Variants in HEATR3 observed in about 807,000 individuals in gnomAD.
The protein encoded by HEATR3 is HEAT repeat containing 3.
In HEATR3, 56 loss-of-function variants were observed where a neutral mutation model predicts 72.8. The ratio of observed to expected loss-of-function variants is 0.77; its 90% confidence interval spans 0.62 to 0.96. HEATR3 has a LOEUF of 0.96. Ranked by LOEUF, HEATR3 falls within the 40% of genes least tolerant of loss-of-function variation. The pLI, the probability that HEATR3 is intolerant of heterozygous loss-of-function variation, is 0.00. For synonymous variants in HEATR3, 331 were observed against 318.1 expected, an observed-to-expected ratio of 1.04 and a Z score of -0.43; for missense variants, 747 against 831.4, an observed-to-expected ratio of 0.90 and a Z score of 1.25.
chr16:50,066,110 T>C lies in HEATR3; in HGVS notation c.-22T>C. The C allele has an allele frequency of 1.3e-6, 2 of 1,497,840 alleles. No homozygotes were observed. The highest frequency in any genetic ancestry group is 1.2e-5 in the South Asian group (1 of 82,892). 92.8% of individuals were successfully genotyped at this position (1,497,840 alleles called of 1,614,324 possible). A position where few individuals can be genotyped will look rare whatever the true frequency, so the allele number is the denominator to read the frequency against. On this transcript the variant is annotated 5_prime_UTR_variant, in exon 1 of 15. Coordinates refer to ENST00000299192, the MANE Select transcript of HEATR3 (RefSeq NM_182922.4). Reference sequence around the variant, plus strand: ...CTGTTGCCCTCCTCTCTCGGTGGTCTGTCCGCCCAGCGCACGTCACCATGG... The same window carrying C: ...CTGTTGCCCTCCTCTCTCGGTGGTCCGTCCGCCCAGCGCACGTCACCATGG...
intron 12 of HEATR3, among the ~76,000 whole-genome samples, chr16:50,097,551 T>G (rs1242112271): frequency 6.6e-6 from 1 of 152,040 alleles, no homozygotes; most frequent in Non-Finnish European, 1.5e-5. Flanking sequence ...TACAAGAATT[T>G]TAGGTTTTTG....
rs183972185 is a variant in HEATR3, at chr16:50,087,723, T to C, written c.1510+1372T>C. ...TTTTTTGAGGGTAAACGTGAAGATA[T>C]TTGCTTTCTACACTGGCAAATAAGA... On this transcript the variant is annotated intron_variant, in intron 11 of 14. Coordinates refer to ENST00000299192, the MANE Select transcript of HEATR3 (RefSeq NM_182922.4). Among the ~76,000 whole-genome samples, 8 of 152,346 alleles carry C rather than the reference T, an allele frequency of 5.3e-5. No homozygotes were observed. In the East Asian group the frequency reaches 1.5e-3, roughly 29 times the overall value.
chr16:50,076,117 TTATG>T (rs1245466209), intron 6 of HEATR3, among the ~76,000 whole-genome samples: 2 of 152,180 alleles, frequency 1.3e-5, no homozygotes, highest in Non-Finnish European at 2.9e-5. Flanking sequence ...TTTATTTAGT[TTATG>T]TATCTATTTT....
chr16:50,090,301 C>T (rs893483408), intron 11 of HEATR3, among the ~76,000 whole-genome samples: 1 of 151,958 alleles, frequency 6.6e-6, no homozygotes, highest in African/African-American at 2.4e-5. Flanking sequence ...CTGCAATGAG[C>T]TATGATTGTG....
At position 50,068,916 on chromosome 16, in the gene HEATR3, T is replaced by C. The variant is rs780142006; in HGVS notation, c.399+49T>C. On this transcript the variant is annotated intron_variant, in intron 3 of 14. Transcript: ENST00000299192. ...GATGGTAGCTTTTGGGATGCAAACT[T>C]AGACTTTTTTTAGTACTTTGGTGTT... 4 of 1,388,844 alleles carry C rather than the reference T, an allele frequency of 2.9e-6. No homozygotes were observed. In the South Asian group the frequency reaches 4.9e-5, roughly 17 times the overall value. 86.0% of individuals were successfully genotyped at this position (1,388,844 alleles called of 1,614,324 possible).
chr16:50,066,269 G>T lies in HEATR3; in HGVS notation c.138G>T (p.Lys46Asn). Residue 46 changes from lysine (K) to asparagine (N), a missense_variant and splice_region_variant, in exon 1 of 15, where the codon AAG becomes AAT. Coordinates refer to ENST00000299192, the MANE Select transcript of HEATR3 (RefSeq NM_182922.4). ...DDGPAAELLE[K>N]LQHPSAEVRE... is the part of the protein sequence containing the mutation. ...GGCCGGCGGCGGAGCTGCTGGAAAA[G>T]GTGAGGCGAGGGCTCCGTCGGGCCG... The T allele has an allele frequency of 6.4e-7, 1 of 1,572,764 alleles. No individual in the cohort carries two copies. The highest frequency in any genetic ancestry group is 8.6e-7 in the Non-Finnish European group (1 of 1,163,238).
rs927764878 is a variant in HEATR3 at position 50,104,972 on chromosome 16, G to C, written c.1954G>C (p.Asp652His). 2 of 1,612,194 alleles carry C rather than the reference G, an allele frequency of 1.2e-6. No homozygotes were observed. Among genetic ancestry groups the C allele is most frequent in the Non-Finnish European group, 1.7e-6 (2 of 1,179,532 alleles). ...AGAAGGGAGAGGTAACTATAGCACAGATCAGCTGTGTGTTCTTGACAATGT... is the reference window on the plus strand; with the variant it reads ...AGAAGGGAGAGGTAACTATAGCACACATCAGCTGTGTGTTCTTGACAATGT... Reference protein sequence around the residue: ...RKEGRGNYSTDQLCVLDNVKM... With the variant: ...RKEGRGNYSTHQLCVLDNVKM... The change falls in exon 15 of 15, where the codon GAT becomes CAT. Residue 652 changes from aspartate (D) to histidine (H), a missense_variant. Coordinates refer to ENST00000299192, the MANE Select transcript of HEATR3 (RefSeq NM_182922.4).
chr16:50,104,917 A>AT, intron 14 of HEATR3, 22 bp from the exon 15 acceptor site: 1 of 1,565,742 alleles, frequency 6.4e-7, no homozygotes, highest in Non-Finnish European at 8.6e-7. Context: ...GTCATATATG[A>AT]TTTTTTGTTT....
chr16:50,099,248 T>A (rs1176049495), intron 12 of HEATR3, among the ~76,000 whole-genome samples: 1 of 152,168 alleles, frequency 6.6e-6, no homozygotes, highest in Non-Finnish European at 1.5e-5. Context: ...TTTTATTGAT[T>A]TCCCCTGGTA....
At chr16:50,088,068 G>T (rs577344074) in intron 11 of HEATR3, among the ~76,000 whole-genome samples, 28 of 152,084 alleles carry the variant, frequency 1.8e-4, no homozygotes, top group Non-Finnish European at 2.9e-4. Flanking sequence ...CGGAGGTTGT[G>T]GTGAGCCAAG....
intron 5 of HEATR3, chr16:50,074,017 A>G (rs2036669206): frequency 6.6e-6 from 1 of 152,182 alleles, no homozygotes. Flanking sequence ...GCTAAAGTAA[A>G]TTTAATTAGT....
At chr16:50,094,087 C>T (rs1205098302) in intron 11 of HEATR3, among the ~76,000 whole-genome samples, 1 of 152,182 alleles carries the variant, frequency 6.6e-6, no homozygotes, top group Non-Finnish European at 1.5e-5. Context: ...AGCCAACTCC[C>T]CTGGGTGACC....
intron 4 of HEATR3, among the ~76,000 whole-genome samples, chr16:50,072,316 A>G (rs2036629898): frequency 6.6e-6 from 1 of 152,192 alleles, no homozygotes; most frequent in Non-Finnish European, 1.5e-5. Context: ...GAGTTGAATT[A>G]AACGATTTAC....
intron 6 of HEATR3, among the ~76,000 whole-genome samples, chr16:50,077,979 TG>T (rs1330848484): frequency 6.9e-6 from 1 of 145,106 alleles, no homozygotes; most frequent in Non-Finnish European, 1.5e-5. Flanking sequence ...TGGGTTCAAG[TG>T]ATTCTCATGC....
intron 13 of HEATR3, among the ~76,000 whole-genome samples, chr16:50,101,139 G>A (rs554468304): frequency 6.8e-6 from 1 of 147,696 alleles, no homozygotes; most frequent in African/African-American, 2.5e-5. Context: ...CTGAGATGGA[G>A]TCTCAGTCAC....
At chr16:50,077,697 T>A (rs977864401) in intron 6 of HEATR3, among the ~76,000 whole-genome samples, 1 of 152,166 alleles carries the variant, frequency 6.6e-6, no homozygotes, top group African/African-American at 2.4e-5. Flanking sequence ...TTTTGCATAG[T>A]GGCCTCAAGG....
chr16:50,081,399 C>T (rs4785380), intron 7 of HEATR3, among the ~76,000 whole-genome samples: 13,303 of 152,140 alleles, frequency 0.087, 678 homozygotes, highest in East Asian at 0.26. Flanking sequence ...GAGTCAAGAT[C>T]GCGCCACTGC....
intron 10 of HEATR3, 135 bp downstream of exon 10, chr16:50,084,786 T>A: frequency 1.6e-6 from 1 of 624,786 alleles, no homozygotes; most frequent in South Asian, 2.0e-5. Flanking sequence ...GAAAAATATG[T>A]GCCCACATGC....
At chr16:50,095,462 TG>T (rs1309970762) in intron 12 of HEATR3, among the ~76,000 whole-genome samples, 12 of 149,688 alleles carry the variant, frequency 8.0e-5, no homozygotes, top group African/African-American at 2.7e-4. Context: ...CATGCCCTCC[TG>T]ACCCTTCACA....
Sources: gnomAD v4.1 joint callset for allele counts (sites outside exome capture counted in the v4.1 genomes callset) on GRCh38, gnomAD v4.1.1 for gene constraint, MANE v1.5 for transcripts, NCBI Gene and HGNC (gene_info 2026-07-23, HGNC 2026-07-21) for gene names.